The following SLC7A5 variants were observed in gnomAD, a reference collection of about 807,000 sequenced individuals.
SLC7A5 encodes solute carrier family 7 member 5, also known as large neutral amino acids transporter small subunit 1.
Under a neutral mutation model 50.2 loss-of-function variants are expected in SLC7A5, and 23 were observed. The observed-to-expected ratio is 0.46, with a 90% CI of 0.33 to 0.65. The LOEUF is 0.65. SLC7A5 is among the 30% of genes least tolerant of loss of function. SLC7A5 has a pLI of 0.02. For synonymous variants in SLC7A5, 393 were observed against 330.6 expected (o/e 1.19, Z -2.05); for missense variants, 578 against 684.4 (o/e 0.84, Z 1.73).
intron 2 of SLC7A5, among the ~76,000 whole-genome samples, chr16:87,844,996 C>T (rs548790878): frequency 1.3e-5 from 2 of 152,358 alleles, no homozygotes; most frequent in South Asian, 4.1e-4. Context: ...GACACAGAGA[C>T]AGATCCAGGG....
chr16:87,868,984 T>C lies in SLC7A5; in HGVS notation c.439A>G (p.Ile147Val), dbSNP rs766510698. ...TAGGTGGCGAAGACCAGGGCCACGATGTACTGCGATGAAGGCCGGATGATG... is the reference window on the plus strand; with the variant it reads ...TAGGTGGCGAAGACCAGGGCCACGACGTACTGCGATGAAGGCCGGATGATG... ...LLIIRPSSQY[I>V]VALVFATYLL... is the part of the protein sequence containing the mutation. Residue 147 changes from isoleucine to valine, a missense_variant, in exon 1 of 10, where the codon ATC becomes GTC. By Grantham distance (29) the Ile-to-Val change is conservative. Transcript: ENST00000261622. The C allele has an allele frequency of 1.2e-6, 2 of 1,611,440 alleles. No homozygotes were observed. The highest frequency in any genetic ancestry group is 1.7e-6 in the Non-Finnish European group (2 of 1,179,724).
chr16:87,847,111 C>G (rs1359266718), intron 2 of SLC7A5, among the ~76,000 whole-genome samples: 1 of 152,196 alleles, frequency 6.6e-6, no homozygotes, highest in East Asian at 1.9e-4. Context: ...AGAAGCCCAG[C>G]TATGGGTCCA....
Position 87,836,618 on chromosome 16 carries a change from G to A in SLC7A5, c.1170C>T (p.Ser390=). 6.2e-7 allele frequency: 1 copy of A among 1,613,388 alleles called. No homozygotes were observed. Among genetic ancestry groups the A allele is most frequent in the Non-Finnish European group, 8.5e-7 (1 of 1,180,020 alleles). The change falls in exon 8 of 10, where the codon TCC becomes TCT. Residue 390 remains serine (S), a synonymous_variant. Coordinates refer to ENST00000261622, the MANE Select transcript of SLC7A5 (RefSeq NM_003486.7). ...TCVMTLLYAF[S]KDIFSVINFF... The stretch of plus-strand genomic sequence containing the variant: ...AGTTGATGACGGAGAAGATGTCCTT[G>A]GAGAAGGCGTAGAGCAGCGTCATCA...
At position 87,851,863 on chromosome 16, in the gene SLC7A5, G is replaced by C; in HGVS notation, c.539-14C>G. The C allele has an allele frequency of 6.2e-7, 1 of 1,612,658 alleles. No homozygotes were observed. The highest frequency in any genetic ancestry group is 8.5e-7 in the Non-Finnish European group (1 of 1,179,936). Reference sequence around the variant, plus strand: ...CCGTGAGCAGCACTGTGGAGACAGAGGGCAGCGGTGAGTTCCACGGGCAGA... The same window carrying C: ...CCGTGAGCAGCACTGTGGAGACAGACGGCAGCGGTGAGTTCCACGGGCAGA... On this transcript the variant is annotated splice_polypyrimidine_tract_variant and intron_variant, in intron 1 of 9. Coordinates refer to ENST00000261622, the MANE Select transcript of SLC7A5 (RefSeq NM_003486.7).
intron 9 of SLC7A5, 64 bp downstream of exon 9, chr16:87,834,350 T>C: frequency 6.6e-7 from 1 of 1,520,312 alleles, no homozygotes; most frequent in East Asian, 2.5e-5. Flanking sequence ...GGCCGACGCC[T>C]CTCAACTCCC....
In SLC7A5 at chr16:87,834,529, G is replaced by A. The variant is rs1203065992; in HGVS notation, c.1353C>T (p.Phe451=). The part of the protein sequence containing the change: ...LACLFLIAVS[F]WKTPVECGIG... Reference sequence around the variant, plus strand: ...TGCCACACTCCACGGGTGTCTTCCAGAAGGAGACGGCGATCAGGAAGAGGC... The same window carrying A: ...TGCCACACTCCACGGGTGTCTTCCAAAAGGAGACGGCGATCAGGAAGAGGC... The change falls in exon 9 of 10, where the codon TTC becomes TTT. Residue 451 remains phenylalanine, a synonymous_variant. Transcript: ENST00000261622. The A allele has an allele frequency of 6.3e-7, 1 of 1,598,546 alleles. No homozygotes were observed. The highest frequency in any genetic ancestry group is 8.5e-7 in the Non-Finnish European group (1 of 1,173,970).
chr16:87,838,557 T>C (rs1330968382), intron 6 of SLC7A5, among the ~76,000 whole-genome samples, 157 bp downstream of exon 6: 1 of 152,164 alleles, frequency 6.6e-6, no homozygotes, highest in East Asian at 1.9e-4. Context: ...CCTCCTAAAG[T>C]GCTGGGATTA....
intron 8 of SLC7A5, among the ~76,000 whole-genome samples, chr16:87,835,762 C>T (rs923995441): frequency 3.3e-5 from 5 of 152,236 alleles, no homozygotes; most frequent in African/African-American, 1.2e-4. Context: ...GCGTGAGCCA[C>T]CGCGCCCAGC....
chr16:87,834,276 C>A (rs1338371847), intron 9 of SLC7A5, 138 bp downstream of exon 9: 1 of 792,858 alleles, frequency 1.3e-6, no homozygotes, highest in Non-Finnish European at 2.2e-6. Flanking sequence ...GTGTCACTGG[C>A]GGACACTGCA....
rs2055259326 is a variant in SLC7A5, at chr16:87,853,114, T to A, written c.539-1265A>T. On this transcript the variant is annotated intron_variant, in intron 1 of 9. Coordinates refer to ENST00000261622, the MANE Select transcript of SLC7A5 (RefSeq NM_003486.7). The surrounding 1 kb of genome is among the most constrained non-coding windows in gnomAD (Gnocchi z 4.4). The stretch of plus-strand genomic sequence containing the variant: ...AAGGCCGTGGGCTCCTCTTCTCTCT[T>A]TCCCCTTGGGAGTAACGCTCAGAAA... 6.6e-6 allele frequency among the ~76,000 whole-genome samples: 1 copy of A among 152,192 alleles called. No individual in the cohort carries two copies. Among genetic ancestry groups the A allele is most frequent in the Non-Finnish European group, 1.5e-5 (1 of 68,034 alleles).
In SLC7A5 at chr16:87,830,250, C is replaced by T. The variant is rs985678517; in HGVS notation, c.*2720G>A. 1.4e-4 allele frequency: 22 copies of T among 152,364 alleles called. No individual in the cohort carries two copies. Among genetic ancestry groups the T allele is most frequent in the Middle Eastern group, 3.4e-3 (1 of 294 alleles). The allele number at this position is 152,364 out of a possible 1,614,324, so 9.4% of individuals were successfully genotyped here. Reference sequence around the variant, plus strand: ...GGGAGCAGGCATGGCACCTGCGCCACGCAGAGCAGCAAGGCTGAGCATGAC... The same window carrying T: ...GGGAGCAGGCATGGCACCTGCGCCATGCAGAGCAGCAAGGCTGAGCATGAC... On this transcript the variant is annotated 3_prime_UTR_variant, in exon 10 of 10. Coordinates refer to ENST00000261622, the MANE Select transcript of SLC7A5 (RefSeq NM_003486.7).
At chr16:87,867,315 G>T (rs2055475567) in intron 1 of SLC7A5, among the ~76,000 whole-genome samples, 2 of 152,206 alleles carry the variant, frequency 1.3e-5, no homozygotes, top group Admixed American at 6.5e-5. Flanking sequence ...AGGCGGGAGG[G>T]AGACTGAACC....
Position 87,833,639 on chromosome 16 carries a change from G to A in SLC7A5, c.1469-614C>T, listed in dbSNP as rs760320794. 8.1e-6 allele frequency among the ~76,000 whole-genome samples: 1 copy of A among 124,024 alleles called. No individual in the cohort carries two copies. The highest frequency in any genetic ancestry group is 1.5e-5 in the Non-Finnish European group (1 of 67,300). 81.4% of individuals were successfully genotyped at this position (124,024 alleles called of 152,430 possible). On this transcript the variant is annotated intron_variant, in intron 9 of 9. Coordinates refer to ENST00000261622, the MANE Select transcript of SLC7A5 (RefSeq NM_003486.7). This position sits in a 1 kb window ranked among gnomAD's most constrained non-coding sequence, Gnocchi z 6.0. ...TGGCGGTGATCAGAGTGTGGGGTAGGGGTGGGGGGTCTCCCTGCCTGTGTT... is the reference window on the plus strand; with the variant it reads ...TGGCGGTGATCAGAGTGTGGGGTAGAGGTGGGGGGTCTCCCTGCCTGTGTT...
At chr16:87,854,345 A>G (rs923284158) in intron 1 of SLC7A5, among the ~76,000 whole-genome samples, 2 of 152,236 alleles carry the variant, frequency 1.3e-5, no homozygotes, top group Non-Finnish European at 2.9e-5. Context: ...GGTGATGAGT[A>G]AACAAAGGTT....
chr16:87,856,824 C>CG (rs1567499548), intron 1 of SLC7A5, among the ~76,000 whole-genome samples: 2 of 152,028 alleles, frequency 1.3e-5, no homozygotes, highest in Admixed American at 6.5e-5. Context: ...TGTCATCCCC[C>CG]GGGGGAACTT....
At chr16:87,845,191 C>CT (rs1300979265) in intron 2 of SLC7A5, among the ~76,000 whole-genome samples, 1 of 127,642 alleles carries the variant, frequency 7.8e-6, no homozygotes, top group African/African-American at 3.7e-5. Flanking sequence ...GGGGAGACCT[C>CT]CCGGCTTCTC....
chr16:87,838,082 C>T lies in SLC7A5; in HGVS notation c.1044-141G>A, dbSNP rs56795782. 1.1e-3 allele frequency: 789 copies of T among 722,764 alleles called. 3 individuals carry two copies. The African/African-American group carries it at 0.012, about 11-fold the overall frequency. The allele number at this position is 722,764 out of a possible 1,614,324, so 44.8% of individuals were successfully genotyped here. A position where few individuals can be genotyped will look rare whatever the true frequency, so the allele number is the denominator to read the frequency against. The stretch of plus-strand genomic sequence containing the variant: ...GGCCACAGTGGGAACCAGGCCCCTC[C>T]AGCCGCTGGCTGTGGGCCTCTCAGT... On this transcript the variant is annotated intron_variant, in intron 6 of 9. Transcript: ENST00000261622.
Position 87,833,208 on chromosome 16 carries a change from G to A in SLC7A5, c.1469-183C>T, listed in dbSNP as rs556125776. Among the ~76,000 whole-genome samples, 49 of 152,346 alleles carry A rather than the reference G, an allele frequency of 3.2e-4. 1 individual carries two copies. In the South Asian group the frequency reaches 9.7e-3, roughly 30 times the overall value. On this transcript the variant is annotated intron_variant, in intron 9 of 9. Coordinates refer to ENST00000261622, the MANE Select transcript of SLC7A5 (RefSeq NM_003486.7). The surrounding 1 kb of genome is among the most constrained non-coding windows in gnomAD (Gnocchi z 6.0). ...CATGTGGGTGCCGGGTGCCCGAGGC[G>A]CTGTCTTCAACTGAAATGCGGAAGT...
chr16:87,835,590 C>A (rs959662353), intron 8 of SLC7A5, among the ~76,000 whole-genome samples: 2 of 152,186 alleles, frequency 1.3e-5, no homozygotes, highest in Non-Finnish European at 2.9e-5. Context: ...TCTCCTGCCT[C>A]CACCTCCCGA....
Sources: allele counts gnomAD v4.1 joint callset (sites outside exome capture counted in the v4.1 genomes callset), GRCh38; gene constraint gnomAD v4.1.1; non-coding constraint Gnocchi (gnomAD v3.1); transcripts MANE v1.5; gene names NCBI Gene and HGNC (gene_info 2026-07-23, HGNC 2026-07-21).